The following SHISA9 variants were observed in gnomAD, a reference collection of about 807,000 sequenced individuals.
The protein encoded by SHISA9 is shisa family member 9.
Under a neutral mutation model 38.0 loss-of-function variants are expected in SHISA9, and 13 were observed. That is an observed-to-expected ratio of 0.34 (90% confidence interval 0.22 to 0.54). SHISA9 has a LOEUF of 0.54. Among genes scored for constraint, SHISA9 ranks in the 20% least tolerant of loss-of-function variants. The pLI is 0.91. For missense variants in SHISA9, 538 were observed against 575.8 expected (o/e 0.93, Z 0.67); for synonymous variants, 275 against 242.0 (o/e 1.14, Z -1.27).
At chr16:13,269,058 T>C in the SHISA9 span, among the ~76,000 whole-genome samples, 1 of 152,110 alleles carries the variant, frequency 6.6e-6, no homozygotes, top group African/African-American at 2.4e-5. Context: ...GTGCTGCATA[T>C]GAAGTAACAT....
At chr16:12,969,807 CAAAT>C (rs1305912221) in intron 2 of SHISA9, among the ~76,000 whole-genome samples, 10 of 152,002 alleles carry the variant, frequency 6.6e-5, no homozygotes, top group Non-Finnish European at 1.3e-4. Flanking sequence ...AAACAGAAAA[CAAAT>C]AAATGAATGA....
chr16:13,039,701 T>G (rs1458046156), intron 2 of SHISA9, among the ~76,000 whole-genome samples: 1 of 152,166 alleles, frequency 6.6e-6, no homozygotes, highest in African/African-American at 2.4e-5. Flanking sequence ...TGAGGAGTAG[T>G]TGGTGTACAG....
chr16:13,470,432 G>A, the SHISA9 span, among the ~76,000 whole-genome samples: 1 of 152,202 alleles, frequency 6.6e-6, no homozygotes, highest in Admixed American at 6.5e-5. Context: ...TGGGCTCACA[G>A]TTCCACATGG....
chr16:13,521,002 A>G, the SHISA9 span, among the ~76,000 whole-genome samples: 4 of 152,298 alleles, frequency 2.6e-5, no homozygotes, highest in African/African-American at 7.2e-5. Flanking sequence ...CACTCAGAAT[A>G]CACTCCTGTT....
intron 2 of SHISA9, among the ~76,000 whole-genome samples, chr16:13,016,542 T>C (rs2072759622): frequency 6.6e-6 from 1 of 152,198 alleles, no homozygotes. Context: ...TGAGCTAGTC[T>C]TCAAGTTTTT....
intron 2 of SHISA9, among the ~76,000 whole-genome samples, chr16:12,974,940 A>G (rs1401242545): frequency 6.6e-6 from 1 of 152,174 alleles, no homozygotes; most frequent in African/African-American, 2.4e-5. Flanking sequence ...CTATATTTAT[A>G]TAAACTTTCA....
At chr16:13,035,509 A>T (rs770931547) in intron 2 of SHISA9, among the ~76,000 whole-genome samples, 34 of 150,092 alleles carry the variant, frequency 2.3e-4, no homozygotes, top group Non-Finnish European at 2.2e-4. Context: ...GAGGTTGATT[A>T]TGATTATGTG....
At chr16:13,459,876 G>T in the SHISA9 span, among the ~76,000 whole-genome samples, 1 of 152,274 alleles carries the variant, frequency 6.6e-6, no homozygotes, top group South Asian at 2.1e-4. Context: ...TGAGTCCTGA[G>T]ATATTTTTAT....
intron 2 of SHISA9, among the ~76,000 whole-genome samples, chr16:13,050,673 T>TA (rs1035795430): frequency 4.6e-5 from 7 of 152,126 alleles, no homozygotes; most frequent in African/African-American, 1.2e-4. Context: ...ACAACTGTAA[T>TA]AAAAAAATGC....
intron 4 of SHISA9, among the ~76,000 whole-genome samples, chr16:13,214,120 C>T (rs1329444743): frequency 1.3e-5 from 2 of 152,114 alleles, no homozygotes; most frequent in African/African-American, 4.8e-5. Flanking sequence ...TAGAATAGAC[C>T]AGAAACACCC....
the SHISA9 span, among the ~76,000 whole-genome samples, chr16:13,549,959 G>T: frequency 6.6e-6 from 1 of 151,202 alleles, no homozygotes; most frequent in African/African-American, 2.4e-5. Flanking sequence ...GGAGGCAGAG[G>T]TTGCAGTGAG....
At chr16:12,926,677 G>A (rs912624442) in intron 2 of SHISA9, among the ~76,000 whole-genome samples, 1 of 152,158 alleles carries the variant, frequency 6.6e-6, no homozygotes, top group Non-Finnish European at 1.5e-5. Context: ...CATAAATAGT[G>A]CCTGGTAACA....
chr16:13,329,779 ATGGC>A, the SHISA9 span, among the ~76,000 whole-genome samples: 29 of 152,222 alleles, frequency 1.9e-4, no homozygotes, highest in African/African-American at 6.5e-4. Context: ...GAGCTAAATG[ATGGC>A]TTATTGTTGC....
chr16:13,482,301 A>G, the SHISA9 span, among the ~76,000 whole-genome samples: 5 of 152,184 alleles, frequency 3.3e-5, no homozygotes, highest in Admixed American at 2.0e-4. Context: ...TCTCCATACA[A>G]TTACCTTTTC....
chr16:13,064,842 C>T (rs1402084300), intron 2 of SHISA9, among the ~76,000 whole-genome samples: 1 of 151,128 alleles, frequency 6.6e-6, no homozygotes, highest in African/African-American at 2.4e-5. Flanking sequence ...TTACCCTCAC[C>T]AGAGTGGGAT....
intron 3 of SHISA9, among the ~76,000 whole-genome samples, chr16:13,211,160 G>A (rs528664605): frequency 6.6e-6 from 1 of 152,186 alleles, no homozygotes; most frequent in South Asian, 2.1e-4. Context: ...AGCCAGGTGT[G>A]GTGCTGCTCG....
intron 4 of SHISA9, among the ~76,000 whole-genome samples, chr16:13,221,634 T>G (rs1186027496): frequency 1.3e-5 from 2 of 152,182 alleles, no homozygotes; most frequent in Non-Finnish European, 2.9e-5. Context: ...TATTGAGATA[T>G]GATTCACCTA....
At chr16:13,361,518 C>A in the SHISA9 span, among the ~76,000 whole-genome samples, 1 of 152,188 alleles carries the variant, frequency 6.6e-6, no homozygotes. Context: ...AGAAATGATG[C>A]CTTTTATAAA....
At chr16:13,202,116 C>T (rs1488142183) in intron 2 of SHISA9, among the ~76,000 whole-genome samples, 2 of 118,886 alleles carry the variant, frequency 1.7e-5, no homozygotes, top group African/African-American at 7.0e-5. Flanking sequence ...TCCCATTGCT[C>T]TCAGGATGAA....
Sources: allele counts gnomAD v4.1 joint callset (sites outside exome capture counted in the v4.1 genomes callset), GRCh38; gene constraint gnomAD v4.1.1; transcripts MANE v1.5; gene names NCBI Gene and HGNC (gene_info 2026-07-23, HGNC 2026-07-21).